The following SGCZ variants were observed in gnomAD, a reference collection of about 807,000 sequenced individuals.
The protein encoded by SGCZ is sarcoglycan zeta.
SGCZ carries 40 observed loss-of-function variants against 41.3 expected under a neutral mutation model. That is an observed-to-expected ratio of 0.97 (90% CI 0.75 to 1.26). SGCZ has a LOEUF of 1.26. SGCZ is among the 50% of genes most tolerant of loss of function. The pLI, the probability that SGCZ is intolerant of heterozygous loss-of-function variation, is 0.00. For missense variants in SGCZ, 552 were observed against 369.8 expected (o/e 1.49, Z -4.04); for synonymous variants, 206 against 137.5 (o/e 1.50, Z -3.49).
intron 2 of SGCZ, among the ~76,000 whole-genome samples, chr8:14,530,679 A>AT (rs1378343606): frequency 2.4e-5 from 1 of 41,138 alleles, no homozygotes; most frequent in African/African-American, 1.0e-4. Flanking sequence ...AAGTTAAAAT[A>AT]TTTTTATCAA....
chr8:15,139,164 A>C (rs1002951858), intron 1 of SGCZ, among the ~76,000 whole-genome samples: 1 of 152,184 alleles, frequency 6.6e-6, no homozygotes. Flanking sequence ...CTGCTGCTAA[A>C]TATTATCAGA....
At chr8:14,671,050 A>G (rs888165648) in intron 1 of SGCZ, among the ~76,000 whole-genome samples, 1 of 152,220 alleles carries the variant, frequency 6.6e-6, no homozygotes, top group Non-Finnish European at 1.5e-5. Context: ...TTGGGAAAGG[A>G]GTCCACTGCG....
intron 4 of SGCZ, among the ~76,000 whole-genome samples, chr8:14,232,525 C>G (rs984602661): frequency 6.6e-6 from 1 of 151,934 alleles, no homozygotes; most frequent in Admixed American, 6.6e-5. Flanking sequence ...TGAGGAAAAA[C>G]AGAAAATGAG....
chr8:14,351,217 G>T (rs1277314597), intron 2 of SGCZ, among the ~76,000 whole-genome samples: 1 of 152,132 alleles, frequency 6.6e-6, no homozygotes, highest in Non-Finnish European at 1.5e-5. Context: ...GGTATTGTAA[G>T]ATAAGCCTTG....
rs184697107 is a variant in SGCZ, at chr8:14,791,083, G to T, written c.40-236157C>A. Among the ~76,000 whole-genome samples, 2 of 151,564 alleles carry T rather than the reference G, an allele frequency of 1.3e-5. 1 individual carries two copies. The highest frequency in any genetic ancestry group is 2.9e-5 in the Non-Finnish European group (2 of 67,874). ...TAGGATACAATGCCATATACAATAT[G>T]ATCATTATTGCTATTATAACAAAAA... On this transcript the variant is annotated intron_variant, in intron 1 of 7. Transcript: ENST00000382080.
At chr8:14,117,475 T>C (rs543535126) in intron 5 of SGCZ, among the ~76,000 whole-genome samples, 9 of 149,440 alleles carry the variant, frequency 6.0e-5, no homozygotes, top group Non-Finnish European at 1.0e-4. Context: ...TGGGGAGTAC[T>C]TGACCCGTGT....
At chr8:15,199,049 T>C (rs1248015521) in intron 1 of SGCZ, among the ~76,000 whole-genome samples, 1 of 152,200 alleles carries the variant, frequency 6.6e-6, no homozygotes, top group Non-Finnish European at 1.5e-5. Flanking sequence ...GTTTAAAACA[T>C]ATTTCATGAC....
chr8:15,024,297 G>T lies in SGCZ; in HGVS notation c.39+213288C>A, dbSNP rs564054597. On this transcript the variant is annotated intron_variant, in intron 1 of 7. Transcript: ENST00000382080. The stretch of plus-strand genomic sequence containing the variant: ...TTTATATAAAATCGACACTTTCTTT[G>T]GTTTATATCCACTGGAAAAAAAATC... 4.6e-5 allele frequency among the ~76,000 whole-genome samples: 7 copies of T among 151,776 alleles called. No individual in the cohort carries two copies. In the East Asian group the frequency reaches 1.4e-3, roughly 29 times the overall value.
intron 2 of SGCZ, among the ~76,000 whole-genome samples, chr8:14,336,110 C>T (rs1795597602): frequency 6.6e-6 from 1 of 151,984 alleles, no homozygotes; most frequent in Admixed American, 6.6e-5. Context: ...TTGTTTCCCC[C>T]ATGTGTCCAT....
intron 1 of SGCZ, among the ~76,000 whole-genome samples, chr8:14,741,258 A>C (rs149573336): frequency 0.016 from 2,503 of 152,142 alleles, 31 homozygotes; most frequent in South Asian, 0.065. Context: ...TGGAGCAATA[A>C]CCGTATTAAC....
intron 1 of SGCZ, among the ~76,000 whole-genome samples, chr8:14,728,379 GAAAA>G (rs35151621): frequency 1.4e-5 from 2 of 138,308 alleles, no homozygotes; most frequent in Admixed American, 7.1e-5. Flanking sequence ...AGAGTGGAAA[GAAAA>G]AAAAAACATA....
intron 1 of SGCZ, among the ~76,000 whole-genome samples, chr8:14,711,316 G>A (rs58398021): frequency 0.034 from 5,135 of 151,532 alleles, 279 homozygotes; most frequent in African/African-American, 0.12. Context: ...TTGGCCAGGC[G>A]CTGTGTCTCA....
At chr8:14,151,901 A>T (rs1803721094) in intron 5 of SGCZ, among the ~76,000 whole-genome samples, 1 of 151,938 alleles carries the variant, frequency 6.6e-6, no homozygotes, top group Non-Finnish European at 1.5e-5. Flanking sequence ...AAGCAAAAAG[A>T]TTGACTTAAA....
intron 1 of SGCZ, among the ~76,000 whole-genome samples, chr8:15,110,882 C>T (rs545760943): frequency 6.6e-6 from 1 of 152,190 alleles, no homozygotes; most frequent in South Asian, 2.1e-4. Context: ...GCAGGAGAAT[C>T]ACTTGAACCT....
intron 4 of SGCZ, among the ~76,000 whole-genome samples, chr8:14,226,842 G>C (rs1005488123): frequency 6.6e-6 from 1 of 152,046 alleles, no homozygotes; most frequent in African/African-American, 2.4e-5. Flanking sequence ...AGTTCCAGTA[G>C]CTTTGTATCC....
At chr8:14,524,088 C>T (rs1383779942) in intron 2 of SGCZ, among the ~76,000 whole-genome samples, 1 of 151,992 alleles carries the variant, frequency 6.6e-6, no homozygotes, top group African/African-American at 2.4e-5. Context: ...AAGTTGGTAT[C>T]TAGTGATTAT....
At position 14,915,694 on chromosome 8, in the gene SGCZ, G is replaced by A. The variant is rs562775987; in HGVS notation, c.39+321891C>T. On this transcript the variant is annotated intron_variant, in intron 1 of 7. Coordinates refer to ENST00000382080, the MANE Select transcript of SGCZ (RefSeq NM_139167.4). Reference sequence around the variant, plus strand: ...GATCAAACCAATCTGTGTTCCCTTCGTAGTAAATCAAACACCACCTTCTCC... The same window carrying A: ...GATCAAACCAATCTGTGTTCCCTTCATAGTAAATCAAACACCACCTTCTCC... Among the ~76,000 whole-genome samples, 172 of 152,176 alleles carry A rather than the reference G, an allele frequency of 1.1e-3. 2 individuals are homozygous for A. Among genetic ancestry groups the A allele is most frequent in the Middle Eastern group, 3.4e-3 (1 of 294 alleles).
At chr8:14,926,131 T>G (rs1017828184) in intron 1 of SGCZ, among the ~76,000 whole-genome samples, 17 of 152,186 alleles carry the variant, frequency 1.1e-4, no homozygotes, top group Non-Finnish European at 1.9e-4. Flanking sequence ...AACGCAAACT[T>G]TGATTTCAGT....
chr8:14,275,345 G>C (rs10097490), intron 3 of SGCZ, among the ~76,000 whole-genome samples: 1 of 152,058 alleles, frequency 6.6e-6, no homozygotes, highest in Admixed American at 6.6e-5. Flanking sequence ...TGAGTTTTCA[G>C]CATATTTTCA....
Sources: gnomAD v4.1 joint callset for allele counts (sites outside exome capture counted in the v4.1 genomes callset) on GRCh38, gnomAD v4.1.1 for gene constraint, MANE v1.5 for transcripts, NCBI Gene and HGNC (gene_info 2026-07-23, HGNC 2026-07-21) for gene names.